The following CHLSN variants were observed in gnomAD, a reference collection of about 807,000 sequenced individuals.
CHLSN encodes the protein cholesin.
At chr7:1,067,241 G>A in the CHLSN span, among the ~76,000 whole-genome samples, 1 of 141,882 alleles carries the variant, frequency 7.0e-6, no homozygotes, top group African/African-American at 2.6e-5. Context: ...AGGGTTTGGG[G>A]CACAGTCTGT....
the CHLSN span, among the ~76,000 whole-genome samples, chr7:991,803 G>A: frequency 6.6e-6 from 1 of 152,238 alleles, no homozygotes; most frequent in Non-Finnish European, 1.5e-5. Context: ...CACCTCCAGA[G>A]CCTCCTCATC....
chr7:994,523 A>C, the CHLSN span, among the ~76,000 whole-genome samples: 1 of 152,066 alleles, frequency 6.6e-6, no homozygotes, highest in Non-Finnish European at 1.5e-5. Flanking sequence ...TGCTCACTGC[A>C]GCCTTGACCT....
chr7:1,078,349 T>TG, the CHLSN span, among the ~76,000 whole-genome samples: 279 of 146,452 alleles, frequency 1.9e-3, 1 homozygote, highest in African/African-American at 5.5e-3. Context: ...AGCTGCGGGG[T>TG]GGGGGGGGGC....
chr7:978,163 A>G, the CHLSN span, among the ~76,000 whole-genome samples: 2 of 152,164 alleles, frequency 1.3e-5, no homozygotes, highest in African/African-American at 2.4e-5. Flanking sequence ...ATTGCTTTAT[A>G]TGAGATCTTT....
chr7:1,060,332 G>A, the CHLSN span, among the ~76,000 whole-genome samples: 1 of 152,280 alleles, frequency 6.6e-6, no homozygotes, highest in South Asian at 2.1e-4. Flanking sequence ...GACCTGAAGG[G>A]GTGTGAGAGC....
chr7:1,058,982 T>C, the CHLSN span: 4 of 186,732 alleles, frequency 2.1e-5, no homozygotes, highest in Non-Finnish European at 1.3e-5. Flanking sequence ...GCCCTGCCAG[T>C]GGGCGGCGTG....
the CHLSN span, among the ~76,000 whole-genome samples, chr7:1,043,173 C>T: frequency 6.6e-6 from 1 of 151,950 alleles, no homozygotes; most frequent in Non-Finnish European, 1.5e-5. Context: ...CTGCAGTAAG[C>T]CAAGATCGTG....
chr7:1,101,205 G>A, the CHLSN span, among the ~76,000 whole-genome samples: 1 of 152,272 alleles, frequency 6.6e-6, no homozygotes, highest in Non-Finnish European at 1.5e-5. Flanking sequence ...AGCTGCTGCG[G>A]TTGGTCTGTC....
At chr7:1,133,533 G>A in the CHLSN span, among the ~76,000 whole-genome samples, 162 of 151,760 alleles carry the variant, frequency 1.1e-3, 1 homozygote, top group African/African-American at 3.8e-3. Flanking sequence ...GATGGATCAC[G>A]AGGTCAGGAG....
the CHLSN span, among the ~76,000 whole-genome samples, chr7:1,009,200 C>T: frequency 6.6e-6 from 1 of 152,226 alleles, no homozygotes; most frequent in Non-Finnish European, 1.5e-5. Context: ...TCCTCCCAGG[C>T]AGGGCCAGTG....
At chr7:1,042,053 C>G in the CHLSN span, among the ~76,000 whole-genome samples, 1 of 152,208 alleles carries the variant, frequency 6.6e-6, no homozygotes, top group African/African-American at 2.4e-5. Context: ...ATCAGGTGCA[C>G]AACTAGGGCA....
chr7:984,297 C>A, the CHLSN span: 3 of 1,371,000 alleles, frequency 2.2e-6, no homozygotes, highest in Non-Finnish European at 2.9e-6. Flanking sequence ...CCCCCTCCAC[C>A]TGCCCCCATT....
chr7:984,868 C>G, the CHLSN span: 1 of 1,496,234 alleles, frequency 6.7e-7, no homozygotes, highest in South Asian at 1.3e-5. Context: ...GCCCTGTCAG[C>G]CTGCTCACTT....
the CHLSN span, among the ~76,000 whole-genome samples, chr7:995,240 G>A: frequency 6.6e-6 from 1 of 152,230 alleles, no homozygotes; most frequent in Non-Finnish European, 1.5e-5. Context: ...GTGGTTCTCT[G>A]AGCCACATTC....
At chr7:1,025,581 T>G in the CHLSN span, 1 of 150,446 alleles carries the variant, frequency 6.6e-6, no homozygotes, top group East Asian at 2.0e-4. Flanking sequence ...CTGAGGCCTG[T>G]GGACACAGCT....
At chr7:1,096,956 C>T in the CHLSN span, among the ~76,000 whole-genome samples, 2 of 152,216 alleles carry the variant, frequency 1.3e-5, no homozygotes, top group South Asian at 2.1e-4. This position sits in a 1 kb window ranked among gnomAD's most constrained non-coding sequence, Gnocchi z 4.6. Context: ...ATTCCAAAGC[C>T]GTCCTAGACA....
the CHLSN span, among the ~76,000 whole-genome samples, chr7:1,063,439 G>A: frequency 8.5e-5 from 13 of 152,276 alleles, no homozygotes; most frequent in East Asian, 1.5e-3. Flanking sequence ...TCATTTTCCC[G>A]TGTCCCGTGT....
chr7:1,013,590 G>A, the CHLSN span, among the ~76,000 whole-genome samples: 3 of 152,234 alleles, frequency 2.0e-5, no homozygotes, highest in South Asian at 4.1e-4. Flanking sequence ...ACTCTTCTGG[G>A]AGAGGTGTTG....
the CHLSN span, among the ~76,000 whole-genome samples, chr7:1,060,759 G>T: frequency 6.6e-6 from 1 of 152,208 alleles, no homozygotes. Context: ...AACCTTTAAA[G>T]CCGCAGGCCT....
Sources: allele counts gnomAD v4.1 joint callset (sites outside exome capture counted in the v4.1 genomes callset), GRCh38; gene constraint gnomAD v4.1.1; non-coding constraint Gnocchi (gnomAD v3.1); transcripts MANE v1.5; gene names NCBI Gene and HGNC (gene_info 2026-07-23, HGNC 2026-07-21).